The following CGRRF1 variants were observed in gnomAD, a reference collection of about 807,000 sequenced individuals.
CGRRF1 encodes cell growth regulator with RING finger domain protein 1.
A neutral mutation model predicts 37.2 loss-of-function variants in CGRRF1; 32 were observed. The ratio of observed to expected loss-of-function variants is 0.86; its 90% confidence interval spans 0.65 to 1.16. The LOEUF (loss-of-function observed/expected upper bound fraction) is 1.16. Among genes scored for constraint, CGRRF1 ranks in the 50% most tolerant of loss-of-function variants. The pLI is 0.00. For missense variants in CGRRF1, 391 were observed against 382.6 expected (o/e 1.02, Z -0.18); for synonymous variants, 141 against 140.3 (o/e 1.00, Z -0.04).
At chr14:54,521,585 A>T (rs1033394282) in intron 1 of CGRRF1, among the ~76,000 whole-genome samples, 2 of 150,700 alleles carry the variant, frequency 1.3e-5, no homozygotes, top group Non-Finnish European at 3.0e-5. Flanking sequence ...GCTCACTGCA[A>T]CCTCTGCCTT....
intron 1 of CGRRF1, among the ~76,000 whole-genome samples, chr14:54,521,181 C>T (rs2032309492): frequency 6.6e-6 from 1 of 152,094 alleles, no homozygotes; most frequent in African/African-American, 2.4e-5. Flanking sequence ...ATTGTCCTGG[C>T]TGGGTATGGT....
At chr14:54,533,887 C>G (rs988810192) in intron 4 of CGRRF1, among the ~76,000 whole-genome samples, 1 of 151,782 alleles carries the variant, frequency 6.6e-6, no homozygotes, top group Non-Finnish European at 1.5e-5. Context: ...GTATAATAAT[C>G]TGTATTCTAT....
intron 4 of CGRRF1, 107 bp from the exon 5 acceptor site, chr14:54,537,615 T>G: frequency 8.6e-7 from 1 of 1,164,770 alleles, no homozygotes; most frequent in Non-Finnish European, 1.1e-6. Flanking sequence ...TTTTTCTTTT[T>G]TTTTGGCAGA....
rs578040449 is a variant in CGRRF1, at chr14:54,516,811, T to C, written c.105-5643T>C. Among the ~76,000 whole-genome samples, 4 of 152,326 alleles carry C rather than the reference T, an allele frequency of 2.6e-5. No individual in the cohort carries two copies. In the East Asian group the frequency reaches 5.8e-4, roughly 22 times the overall value. On this transcript the variant is annotated intron_variant, in intron 1 of 5. Transcript: ENST00000216420. ...CTTCAGTTACATGGCTGACTAAAAG[T>C]TGGCTTACTGATGCTTTTTGTTGTT...
chr14:54,538,030 A>C, intron 5 of CGRRF1, 33 bp from the exon 6 acceptor site: 1 of 1,505,900 alleles, frequency 6.6e-7, no homozygotes. Flanking sequence ...TGTTATTTAT[A>C]ATAATCTTTA....
chr14:54,517,667 G>A (rs910941130), intron 1 of CGRRF1, among the ~76,000 whole-genome samples: 2 of 151,922 alleles, frequency 1.3e-5, no homozygotes, highest in Non-Finnish European at 2.9e-5. Flanking sequence ...GGATGTGCAG[G>A]TTTGTTACAT....
chr14:54,534,590 T>C (rs1372221016), intron 4 of CGRRF1, among the ~76,000 whole-genome samples: 2 of 152,234 alleles, frequency 1.3e-5, no homozygotes, highest in African/African-American at 4.8e-5. Flanking sequence ...TTTTTATTTG[T>C]ACATAATTTC....
At chr14:54,513,574 ATG>A (rs2032164571) in intron 1 of CGRRF1, among the ~76,000 whole-genome samples, 1 of 123,110 alleles carries the variant, frequency 8.1e-6, no homozygotes, top group Non-Finnish European at 1.8e-5. Flanking sequence ...GTTTTATGTT[ATG>A]TTATGTTATG....
At chr14:54,522,649 CTTTTA>C in intron 2 of CGRRF1, 56 bp downstream of exon 2, 2 of 1,441,110 alleles carry the variant, frequency 1.4e-6, no homozygotes, top group Non-Finnish European at 1.9e-6. Context: ...TTTTTTAGCC[CTTTTA>C]TTTTCTTTCT....
chr14:54,535,362 C>T (rs1222596302), intron 4 of CGRRF1, among the ~76,000 whole-genome samples: 1 of 133,060 alleles, frequency 7.5e-6, no homozygotes, highest in South Asian at 2.3e-4. Context: ...GGTATAGTCA[C>T]ACACACACAC....
chr14:54,510,300 C>T (rs2032108921), intron 1 of CGRRF1: 1 of 546,188 alleles, frequency 1.8e-6, no homozygotes, highest in South Asian at 2.2e-5. Context: ...GGGGTGGTAC[C>T]GCATTGGGGT....
chr14:54,518,526 G>A (rs1046528141), intron 1 of CGRRF1, among the ~76,000 whole-genome samples: 3 of 151,058 alleles, frequency 2.0e-5, no homozygotes, highest in Admixed American at 6.6e-5. Context: ...GTCCAGCCTG[G>A]GCAACAAGAG....
chr14:54,535,980 A>G (rs1239991655), intron 4 of CGRRF1: 2 of 152,234 alleles, frequency 1.3e-5, no homozygotes, highest in South Asian at 2.1e-4. Context: ...CTGTGCCCAC[A>G]GATTACTTGG....
intron 4 of CGRRF1, among the ~76,000 whole-genome samples, chr14:54,535,810 A>C (rs893020785): frequency 1.1e-4 from 17 of 151,990 alleles, no homozygotes; most frequent in Non-Finnish European, 2.4e-4. Context: ...CAAGCAAGAG[A>C]CTTCCTGTCT....
At chr14:54,526,144 A>ATTTTTTTTTTTTTTTT (rs745596386) in intron 2 of CGRRF1, among the ~76,000 whole-genome samples, 1 of 107,068 alleles carries the variant, frequency 9.3e-6, no homozygotes, top group Non-Finnish European at 1.9e-5. Context: ...TATATTTAAG[A>ATTTTTTTTTTTTTTTT]TTTTTTTTTT....
At chr14:54,529,584 T>G (rs1281649683) in intron 2 of CGRRF1, among the ~76,000 whole-genome samples, 1 of 152,222 alleles carries the variant, frequency 6.6e-6, no homozygotes, top group Non-Finnish European at 1.5e-5. Context: ...CAGTTTCTTT[T>G]TAATATTTTT....
intron 2 of CGRRF1, among the ~76,000 whole-genome samples, chr14:54,528,801 A>C (rs1197142838): frequency 6.6e-6 from 1 of 152,194 alleles, no homozygotes; most frequent in Non-Finnish European, 1.5e-5. Flanking sequence ...AGTTCCTACC[A>C]ATTAAAATTT....
chr14:54,522,703 G>A, intron 2 of CGRRF1, 110 bp downstream of exon 2: 1 of 1,037,894 alleles, frequency 9.6e-7, no homozygotes, highest in Non-Finnish European at 1.4e-6. Context: ...ACAAACATTT[G>A]TTGGGCAACT....
chr14:54,513,327 C>A (rs1298046105), intron 1 of CGRRF1, among the ~76,000 whole-genome samples: 2 of 152,174 alleles, frequency 1.3e-5, no homozygotes, highest in Non-Finnish European at 2.9e-5. Flanking sequence ...GCTGGAGGAC[C>A]AAGTGGCTAA....
Sources: allele counts gnomAD v4.1 joint callset (sites outside exome capture counted in the v4.1 genomes callset), GRCh38; gene constraint gnomAD v4.1.1; transcripts MANE v1.5; gene names NCBI Gene and HGNC (gene_info 2026-07-23, HGNC 2026-07-21).